The following WDR64 variants were observed in gnomAD, a reference collection of about 807,000 sequenced individuals.
The protein encoded by WDR64 is WD repeat-containing protein 64.
WDR64 carries 112 observed loss-of-function variants against 139.3 expected under a neutral mutation model. The ratio of observed to expected loss-of-function variants is 0.80; its 90% CI spans 0.69 to 0.94. The LOEUF (loss-of-function observed/expected upper bound fraction) is 0.94, where lower values mean the gene tolerates loss of function less well. Among genes scored for constraint, WDR64 ranks in the 40% least tolerant of loss-of-function variants. The probability of loss-of-function intolerance (pLI) is 0.00; values close to 1 mark genes in which losing one functional copy is unlikely to be tolerated. For synonymous variants in WDR64, 444 were observed against 437.7 expected, an observed-to-expected ratio of 1.01 and a Z score of -0.18; for missense variants, 1,206 against 1,293.1, an observed-to-expected ratio of 0.93 and a Z score of 1.03.
At position 241,656,126 on chromosome 1, in the gene WDR64, C is replaced by A. The variant is rs1288833207; in HGVS notation, c.145+3497C>A. 1.3e-5 allele frequency among the ~76,000 whole-genome samples: 2 copies of A among 152,190 alleles called. No homozygotes were observed. Among genetic ancestry groups the A allele is most frequent in the Non-Finnish European group, 2.9e-5 (2 of 68,040 alleles). On this transcript the variant is annotated intron_variant, in intron 1 of 27. Coordinates refer to ENST00000437684, the MANE Select transcript of WDR64 (RefSeq NM_001367482.1). This position sits in a 1 kb window ranked among gnomAD's most constrained non-coding sequence, Gnocchi z 4.3. ...AAACTGCATACTGCTAGACAAGTTA[C>A]CTTCTATCACGGGGCGGCCTAAGAA...
chr1:241,707,357 C>A (rs1161696080), intron 8 of WDR64, among the ~76,000 whole-genome samples: 1 of 152,194 alleles, frequency 6.6e-6, no homozygotes, highest in Non-Finnish European at 1.5e-5. Flanking sequence ...TTTTGGAGTA[C>A]ACTTAGAGTC....
chr1:241,723,320 T>G lies in WDR64; in HGVS notation c.1078T>G (p.Trp360Gly), dbSNP rs752299084. 1 of 1,614,022 alleles carries G rather than the reference T, an allele frequency of 6.2e-7. No individual in the cohort carries two copies. Among genetic ancestry groups the G allele is most frequent in the Non-Finnish European group, 8.5e-7 (1 of 1,179,916 alleles). The change falls in exon 10 of 28, where the codon TGG (tryptophan) becomes GGG (glycine). Residue 360 changes from tryptophan (W) to glycine (G), a missense_variant. Coordinates refer to ENST00000437684, the MANE Select transcript of WDR64 (RefSeq NM_001367482.1). Reference protein sequence around the residue: ...TGGDDKVIRLWHPNISTKPVG... With the variant: ...TGGDDKVIRLGHPNISTKPVG... ...AGGAGATGATAAGGTCATCCGGTTG[T>G]GGCACCCCAATATCAGCACCAAGCC... is the stretch of plus-strand genomic sequence containing the variant.
Position 241,656,932 on chromosome 1 carries a change from G to A in WDR64, c.146-3598G>A, listed in dbSNP as rs963434103. 6.0e-5 allele frequency among the ~76,000 whole-genome samples: 9 copies of A among 150,054 alleles called. No homozygotes were observed. Among genetic ancestry groups the A allele is most frequent in the Non-Finnish European group, 1.0e-4 (7 of 67,548 alleles). On this transcript the variant is annotated intron_variant, in intron 1 of 27. Coordinates refer to ENST00000437684, the MANE Select transcript of WDR64 (RefSeq NM_001367482.1). The surrounding 1 kb of genome is among the most constrained non-coding windows in gnomAD (Gnocchi z 4.3). ...TGTGTCTGTCTGGGGATGGAGGTGAGGTGCAAAATCTCCCCTGCATAAGAA... is the reference window on the plus strand; with the variant it reads ...TGTGTCTGTCTGGGGATGGAGGTGAAGTGCAAAATCTCCCCTGCATAAGAA...
chr1:241,722,596 C>T (rs144587630), intron 9 of WDR64, among the ~76,000 whole-genome samples: 98 of 150,610 alleles, frequency 6.5e-4, no homozygotes, highest in African/African-American at 1.8e-3. Flanking sequence ...GGCATGAGCT[C>T]GTGGCCTTTC....
At position 241,770,699 on chromosome 1, in the gene WDR64, GAC is replaced by G. The variant is rs536642191; in HGVS notation, c.2253+13_2253+14del. ...GTCCACAGAGCAGTAAGGTAAGCAAGACACAGACAGGGTCTGTCTTCCTGTCA... is the reference window on the plus strand; with the variant it reads ...GTCCACAGAGCAGTAAGGTAAGCAAGACAGACAGGGTCTGTCTTCCTGTCA... On this transcript the variant is annotated intron_variant, in intron 18 of 27. Transcript: ENST00000437684. 1,404 of 1,550,980 alleles carry G rather than the reference GAC, an allele frequency of 9.1e-4. 13 individuals are homozygous for G. In the African/African-American group the frequency reaches 0.017, roughly 19 times the overall value.
intron 15 of WDR64, among the ~76,000 whole-genome samples, chr1:241,763,193 C>A (rs1156713089): frequency 1.3e-5 from 2 of 151,088 alleles, no homozygotes; most frequent in Non-Finnish European, 2.9e-5. Flanking sequence ...CAGAACCAGG[C>A]AGTTAACAAA....
At chr1:241,735,886 TG>T (rs1669304753) in intron 10 of WDR64, among the ~76,000 whole-genome samples, 1 of 150,612 alleles carries the variant, frequency 6.6e-6, no homozygotes, top group Non-Finnish European at 1.5e-5. Context: ...TGTGTGTGTG[TG>T]TGTCTATATG....
At chr1:241,771,901 C>T (rs537304727) in intron 19 of WDR64, among the ~76,000 whole-genome samples, 111 of 141,074 alleles carry the variant, frequency 7.9e-4, no homozygotes, top group African/African-American at 2.8e-3. Context: ...TATATACATA[C>T]ATACACACAT....
At position 241,696,654 on chromosome 1, in the gene WDR64, C is replaced by A. The variant is rs113161186; in HGVS notation, c.974+9059C>A. On this transcript the variant is annotated intron_variant, in intron 8 of 27. Coordinates refer to ENST00000437684, the MANE Select transcript of WDR64 (RefSeq NM_001367482.1). ...TGACATTGTCCTGGTGTTTGCAAACCGTCATGGCACTGGTGGGAGTGTCTC... is the reference window on the plus strand; with the variant it reads ...TGACATTGTCCTGGTGTTTGCAAACAGTCATGGCACTGGTGGGAGTGTCTC... Among the ~76,000 whole-genome samples the A allele has an allele frequency of 1.5e-3, 227 of 152,116 alleles. 1 individual carries two copies. The highest frequency in any genetic ancestry group is 5.2e-3 in the African/African-American group (214 of 41,486).
At chr1:241,775,281 GA>G (rs1380030450) in intron 21 of WDR64, 71 bp downstream of exon 21, 3 of 1,238,046 alleles carry the variant, frequency 2.4e-6, no homozygotes, top group South Asian at 2.7e-5. Context: ...ATGGCTTTAG[GA>G]AAAATACATG....
At position 241,756,724 on chromosome 1, in the gene WDR64, A is replaced by G. The variant is rs569602769; in HGVS notation, c.1771-559A>G. Among the ~76,000 whole-genome samples the G allele has an allele frequency of 2.0e-5, 3 of 152,288 alleles. No homozygotes were observed. In the East Asian group the frequency reaches 5.8e-4, roughly 29 times the overall value. ...ATAGCTAGAAAAGTTGAAGATATGCATATCTTATAGTTAGGTCATTTTACC... is the reference window on the plus strand; with the variant it reads ...ATAGCTAGAAAAGTTGAAGATATGCGTATCTTATAGTTAGGTCATTTTACC... On this transcript the variant is annotated intron_variant, in intron 14 of 27. Transcript: ENST00000437684.
intron 2 of WDR64, among the ~76,000 whole-genome samples, chr1:241,662,241 T>C (rs1460877880): frequency 6.6e-6 from 1 of 151,990 alleles, no homozygotes; most frequent in African/African-American, 2.4e-5. Flanking sequence ...GGATCAGGAG[T>C]CTGGGACAGC....
chr1:241,769,630 G>A, intron 17 of WDR64, 125 bp downstream of exon 17: 1 of 831,844 alleles, frequency 1.2e-6, no homozygotes, highest in South Asian at 1.8e-5. Context: ...CTTCATCCCA[G>A]CATTAAAGAA....
At chr1:241,709,308 G>A (rs1184462222) in intron 8 of WDR64, among the ~76,000 whole-genome samples, 1 of 152,088 alleles carries the variant, frequency 6.6e-6, no homozygotes, top group Non-Finnish European at 1.5e-5. Flanking sequence ...TTCATATTGA[G>A]AAATATGAAA....
intron 8 of WDR64, among the ~76,000 whole-genome samples, chr1:241,697,627 G>A (rs1347922404): frequency 6.6e-6 from 1 of 152,138 alleles, no homozygotes. Flanking sequence ...AGTCTCTGTC[G>A]ATATGAGTAA....
rs183650528 is a variant in WDR64, at chr1:241,678,423, T to G, written c.513+207T>G. On this transcript the variant is annotated intron_variant, in intron 5 of 27. Coordinates refer to ENST00000437684, the MANE Select transcript of WDR64 (RefSeq NM_001367482.1). ...CAGGTCTTGCTTTCCGGAGTTAAAC[T>G]GACTGCAGAGAATTGCTTGGAAACT... 1.4e-4 allele frequency among the ~76,000 whole-genome samples: 22 copies of G among 152,322 alleles called. No individual in the cohort carries two copies. The East Asian group carries it at 4.2e-3, about 29-fold the overall frequency.
At chr1:241,716,583 G>A (rs1003271507) in intron 9 of WDR64, among the ~76,000 whole-genome samples, 1 of 151,922 alleles carries the variant, frequency 6.6e-6, no homozygotes, top group Non-Finnish European at 1.5e-5. Context: ...CCTAACCTGC[G>A]AACATTTAAA....
chr1:241,766,438 C>T (rs769702631), intron 16 of WDR64, 87 bp downstream of exon 16: 54 of 1,456,002 alleles, frequency 3.7e-5, no homozygotes, highest in Admixed American at 9.0e-5. Context: ...GGGCTGGGCG[C>T]GGTGGCTCAG....
chr1:241,694,214 T>G (rs1167124309), intron 8 of WDR64, among the ~76,000 whole-genome samples: 2 of 152,178 alleles, frequency 1.3e-5, no homozygotes, highest in Admixed American at 1.3e-4. Context: ...ATTAGAAATT[T>G]AATGGAAGAA....
Sources: gnomAD v4.1 joint callset for allele counts (sites outside exome capture counted in the v4.1 genomes callset) on GRCh38, gnomAD v4.1.1 for gene constraint, Gnocchi (gnomAD v3.1) non-coding constraint, MANE v1.5 for transcripts, NCBI Gene and HGNC (gene_info 2026-07-23, HGNC 2026-07-21) for gene names.